The following SEPTIN9 variants were observed in gnomAD, a reference collection of about 807,000 sequenced individuals.
The protein encoded by SEPTIN9 is septin-9.
SEPTIN9 carries 13 observed loss-of-function variants against 56.6 expected under a neutral mutation model. The ratio of observed to expected loss-of-function variants is 0.23; its 90% confidence interval spans 0.15 to 0.37. The LOEUF is 0.37. SEPTIN9 is among the 10% of genes least tolerant of loss of function. The pLI, the probability that SEPTIN9 is intolerant of heterozygous loss-of-function variation, is 1.00. For missense variants in SEPTIN9, 650 were observed against 823.1 expected, an observed-to-expected ratio of 0.79 and a Z score of 2.57; for synonymous variants, 332 against 334.1, an observed-to-expected ratio of 0.99 and a Z score of 0.07.
chr17:77,297,221 T>C (rs2031859247), intron 1 of SEPTIN9, among the ~76,000 whole-genome samples: 1 of 152,154 alleles, frequency 6.6e-6, no homozygotes, highest in African/African-American at 2.4e-5. Flanking sequence ...AAGCTGTTGA[T>C]GTAACTCTTA....
rs1181492491 is a variant in SEPTIN9 at position 77,417,325 on chromosome 17, G to A, written c.721+14622G>A. On this transcript the variant is annotated intron_variant, in intron 3 of 11. Coordinates refer to ENST00000427177, the MANE Select transcript of SEPTIN9 (RefSeq NM_001113491.2). ...CTCTGGAGGTGGGGAAGCTGTTGAC[G>A]AGTTGCACGAGGTAATTAGAAAGAG... Among the ~76,000 whole-genome samples, 6 of 152,196 alleles carry A rather than the reference G, an allele frequency of 3.9e-5. 1 individual carries two copies. The East Asian group carries it at 5.8e-4, about 15-fold the overall frequency.
rs899906075 is a variant in SEPTIN9 at position 77,326,026 on chromosome 17, C to T, written c.76+18829C>T. On this transcript the variant is annotated intron_variant, in intron 2 of 11. Transcript: ENST00000427177. The surrounding 1 kb of genome is among the most constrained non-coding windows in gnomAD (Gnocchi z 5.1). ...CAGCCTTTTTCTGCTGCCTGGTGCTCTAGGTTGGCTTGTCACCCCTGGAAG... is the reference window on the plus strand; with the variant it reads ...CAGCCTTTTTCTGCTGCCTGGTGCTTTAGGTTGGCTTGTCACCCCTGGAAG... Among the ~76,000 whole-genome samples the T allele has an allele frequency of 2.0e-5, 3 of 152,088 alleles. No individual in the cohort carries two copies. Among genetic ancestry groups the T allele is most frequent in the African/African-American group, 7.2e-5 (3 of 41,394 alleles).
At chr17:77,462,256 G>C (rs1568089051) in intron 3 of SEPTIN9, among the ~76,000 whole-genome samples, 1 of 152,112 alleles carries the variant, frequency 6.6e-6, no homozygotes, top group Non-Finnish European at 1.5e-5. Context: ...GTTTTGTTTT[G>C]AGACAAAGTC....
chr17:77,286,864 C>G (rs2143490525), intron 1 of SEPTIN9, among the ~76,000 whole-genome samples: 1 of 152,312 alleles, frequency 6.6e-6, no homozygotes, highest in South Asian at 2.1e-4. Flanking sequence ...CAGAGAGAGG[C>G]TCCAGGCCCC....
chr17:77,339,225 T>C (rs748423175), intron 2 of SEPTIN9, among the ~76,000 whole-genome samples: 2 of 152,230 alleles, frequency 1.3e-5, no homozygotes, highest in Non-Finnish European at 2.9e-5. Context: ...GCATCTAGAA[T>C]GGGGAATCCT....
At chr17:77,491,551 G>T (rs7503617) in intron 8 of SEPTIN9, among the ~76,000 whole-genome samples, 10 of 151,114 alleles carry the variant, frequency 6.6e-5, no homozygotes, top group South Asian at 6.3e-4. Context: ...GGTGGCTCAC[G>T]CCTGTAATCC....
chr17:77,378,748 T>G (rs1185125174), intron 2 of SEPTIN9, among the ~76,000 whole-genome samples: 1 of 152,114 alleles, frequency 6.6e-6, no homozygotes, highest in Non-Finnish European at 1.5e-5. Flanking sequence ...ACCCCCCTTT[T>G]CCTGCCTGGC....
rs558807580 is a variant in SEPTIN9, at chr17:77,475,253, G to A, written c.722-6891G>A. 2.4e-5 allele frequency: 33 copies of A among 1,372,074 alleles called. No individual in the cohort carries two copies. Among genetic ancestry groups the A allele is most frequent in the East Asian group, 5.6e-5 (2 of 35,982 alleles). 85.0% of individuals were successfully genotyped at this position (1,372,074 alleles called of 1,614,324 possible). Reference sequence around the variant, plus strand: ...CACACATCATTATTCAGTTACCATCGTGGGGAGACTGTCTGGACGCAGAGA... The same window carrying A: ...CACACATCATTATTCAGTTACCATCATGGGGAGACTGTCTGGACGCAGAGA... On this transcript the variant is annotated intron_variant, in intron 3 of 11. Coordinates refer to ENST00000427177, the MANE Select transcript of SEPTIN9 (RefSeq NM_001113491.2). This position sits in a 1 kb window ranked among gnomAD's most constrained non-coding sequence, Gnocchi z 4.6.
At position 77,371,919 on chromosome 17, in the gene SEPTIN9, A is replaced by T. The variant is rs1427685811; in HGVS notation, c.77-30140A>T. Among the ~76,000 whole-genome samples the T allele has an allele frequency of 6.6e-6, 1 of 152,178 alleles. No homozygotes were observed. The highest frequency in any genetic ancestry group is 1.5e-5 in the Non-Finnish European group (1 of 68,038). Reference sequence around the variant, plus strand: ...TACTTAAAAAGCCACCCAAACCTAGAACATTTTCCGCAAGAGACCCCCTGC... The same window carrying T: ...TACTTAAAAAGCCACCCAAACCTAGTACATTTTCCGCAAGAGACCCCCTGC... On this transcript the variant is annotated intron_variant, in intron 2 of 11. Coordinates refer to ENST00000427177, the MANE Select transcript of SEPTIN9 (RefSeq NM_001113491.2). This position sits in a 1 kb window ranked among gnomAD's most constrained non-coding sequence, Gnocchi z 4.1.
intron 2 of SEPTIN9, 50 bp downstream of exon 2, chr17:77,307,247 T>A: frequency 6.5e-7 from 1 of 1,533,692 alleles, no homozygotes; most frequent in Non-Finnish European, 9.0e-7. Context: ...GGTGTGTTTG[T>A]GCTGGGGTCC....
chr17:77,475,231 A>G lies in SEPTIN9; in HGVS notation c.722-6913A>G. On this transcript the variant is annotated intron_variant, in intron 3 of 11. Transcript: ENST00000427177. The surrounding 1 kb of genome is among the most constrained non-coding windows in gnomAD (Gnocchi z 4.6). ...GGGTTGTGGTGAGAGGAAACCGCAC[A>G]CATCATTATTCAGTTACCATCGTGG... 2.3e-6 allele frequency: 3 copies of G among 1,302,756 alleles called. No homozygotes were observed. Among genetic ancestry groups the G allele is most frequent in the Non-Finnish European group, 2.9e-6 (3 of 1,023,622 alleles). 80.7% of individuals were successfully genotyped at this position (1,302,756 alleles called of 1,614,324 possible).
Position 77,433,894 on chromosome 17 carries a change from T to G in SEPTIN9, c.721+31191T>G, listed in dbSNP as rs2037242428. Among the ~76,000 whole-genome samples the G allele has an allele frequency of 6.6e-6, 1 of 152,142 alleles. No individual in the cohort carries two copies. Among genetic ancestry groups the G allele is most frequent in the Non-Finnish European group, 1.5e-5 (1 of 68,014 alleles). Reference sequence around the variant, plus strand: ...TCCCATATGGTCCTAATTAGGACCTTCCGCCCGTTGGTGGATGGGCAGAGA... The same window carrying G: ...TCCCATATGGTCCTAATTAGGACCTGCCGCCCGTTGGTGGATGGGCAGAGA... On this transcript the variant is annotated intron_variant, in intron 3 of 11. Coordinates refer to ENST00000427177, the MANE Select transcript of SEPTIN9 (RefSeq NM_001113491.2). This position sits in a 1 kb window ranked among gnomAD's most constrained non-coding sequence, Gnocchi z 6.4.
At position 77,425,105 on chromosome 17, in the gene SEPTIN9, C is replaced by CA. The variant is rs1308302725; in HGVS notation, c.721+22403dup. On this transcript the variant is annotated intron_variant, in intron 3 of 11. Transcript: ENST00000427177. This position sits in a 1 kb window ranked among gnomAD's most constrained non-coding sequence, Gnocchi z 4.2. ...AAAGTGAGCTCTGCTCCAGTCCCCC[C>CA]ACCCCCGGGGCTGTTCCTGGCGCCC... Among the ~76,000 whole-genome samples the CA allele has an allele frequency of 6.6e-6, 1 of 152,234 alleles. No individual in the cohort carries two copies. Among genetic ancestry groups the CA allele is most frequent in the Non-Finnish European group, 1.5e-5 (1 of 68,036 alleles).
chr17:77,350,610 A>AGTGTGTGTGTGTGTGTGT (rs57851361), intron 2 of SEPTIN9, among the ~76,000 whole-genome samples: 2,253 of 149,466 alleles, frequency 0.015, 30 homozygotes, highest in Non-Finnish European at 0.018. Flanking sequence ...CCTCCAGTGC[A>AGTGTGTGTGTGTGTGTGT]GTGTGTGTGT....
intron 3 of SEPTIN9, among the ~76,000 whole-genome samples, chr17:77,443,688 G>A (rs866006966): frequency 6.6e-6 from 1 of 151,978 alleles, no homozygotes; most frequent in African/African-American, 2.4e-5. Context: ...TCCCAGCTAC[G>A]GGGGAGGCTG....
intron 2 of SEPTIN9, among the ~76,000 whole-genome samples, chr17:77,338,528 C>G (rs950806080): frequency 6.6e-6 from 1 of 151,786 alleles, no homozygotes; most frequent in Non-Finnish European, 1.5e-5. Flanking sequence ...AAGCAATTCT[C>G]CTGCCTCAGC....
intron 2 of SEPTIN9, among the ~76,000 whole-genome samples, chr17:77,360,272 T>C (rs968738382): frequency 4.6e-5 from 7 of 152,156 alleles, no homozygotes; most frequent in African/African-American, 1.7e-4. Context: ...AGTGGGCAGT[T>C]GATTGGGTCA....
intron 1 of SEPTIN9, among the ~76,000 whole-genome samples, chr17:77,287,387 A>G (rs1358921086): frequency 1.3e-5 from 2 of 152,150 alleles, no homozygotes; most frequent in African/African-American, 2.4e-5. Flanking sequence ...GGCCTGCTCT[A>G]CTGGAGCGGC....
At chr17:77,482,108 T>C (rs747970966) in intron 3 of SEPTIN9, 36 bp from the exon 4 acceptor site, 40 of 1,530,164 alleles carry the variant, frequency 2.6e-5, no homozygotes, top group African/African-American at 2.8e-5. Flanking sequence ...TGTGAGCCCC[T>C]GTTCCGCTCT....
Sources: gnomAD v4.1 joint callset for allele counts (sites outside exome capture counted in the v4.1 genomes callset) on GRCh38, gnomAD v4.1.1 for gene constraint, Gnocchi (gnomAD v3.1) non-coding constraint, MANE v1.5 for transcripts, NCBI Gene and HGNC (gene_info 2026-07-23, HGNC 2026-07-21) for gene names.